The following HMMR variants were observed in gnomAD, a reference collection of about 807,000 sequenced individuals.
HMMR encodes hyaluronan mediated motility receptor.
In HMMR, 108 loss-of-function variants were observed where a neutral mutation model predicts 101.0. The observed-to-expected ratio is 1.07, with a 90% CI of 0.92 to 1.25. The LOEUF (loss-of-function observed/expected upper bound fraction) is 1.25. Ranked by LOEUF, HMMR falls within the 50% of genes most tolerant of loss-of-function variation. The pLI is 0.00. For synonymous variants in HMMR, 296 were observed against 276.4 expected, an observed-to-expected ratio of 1.07 and a Z score of -0.70; for missense variants, 813 against 788.7, an observed-to-expected ratio of 1.03 and a Z score of -0.37.
intron 7 of HMMR, 75 bp from the exon 8 acceptor site, chr5:163,473,104 C>A: frequency 1.3e-6 from 1 of 747,858 alleles, no homozygotes; most frequent in East Asian, 2.7e-5. Context: ...ACAGGAGTAT[C>A]TGGTACATAA....
At chr5:163,482,563 T>C in intron 12 of HMMR, 79 bp from the exon 13 acceptor site, 3 of 1,026,700 alleles carry the variant, frequency 2.9e-6, no homozygotes, top group East Asian at 2.4e-5. Flanking sequence ...TAGAAGTATA[T>C]AAAGTGTAAA....
intron 10 of HMMR, 54 bp from the exon 11 acceptor site, chr5:163,475,404 A>G: frequency 9.8e-7 from 1 of 1,021,488 alleles, no homozygotes; most frequent in Non-Finnish European, 1.5e-6. Flanking sequence ...GTCTCCTAGT[A>G]CAACCTCACA....
intron 7 of HMMR, among the ~76,000 whole-genome samples, chr5:163,472,507 T>C (rs1758931261): frequency 6.6e-6 from 1 of 152,150 alleles, no homozygotes; most frequent in African/African-American, 2.4e-5. Context: ...TATATAATGT[T>C]TTTTAAAACT....
chr5:163,474,116 T>G lies in HMMR; in HGVS notation c.964T>G (p.Leu322Val). Reference sequence around the variant, plus strand: ...AAATCTAAATGCAGAGATGCAAAACTTAAAACAGAAGTTTATTCTTGAACA... The same window carrying G: ...AAATCTAAATGCAGAGATGCAAAACGTAAAACAGAAGTTTATTCTTGAACA... ...NENLNAEMQN[L>V]KQKFILEQQE... Residue 322 changes from leucine to valine, a missense_variant, in exon 10 of 18, where the codon TTA (leucine) becomes GTA (valine). Leu to Val is a conservative substitution (Grantham distance 32, BLOSUM62 1). Transcript: ENST00000393915. 1 of 1,611,894 alleles carries G rather than the reference T, an allele frequency of 6.2e-7. No homozygotes were observed. Among genetic ancestry groups the G allele is most frequent in the Non-Finnish European group, 8.5e-7 (1 of 1,178,652 alleles).
chr5:163,475,822 A>G, intron 11 of HMMR, 150 bp downstream of exon 11: 1 of 431,116 alleles, frequency 2.3e-6, no homozygotes, highest in Non-Finnish European at 4.1e-6. Flanking sequence ...TTTACAATTA[A>G]GTAGTAGACA....
At chr5:163,463,652 A>C (rs1161322451) in intron 1 of HMMR, among the ~76,000 whole-genome samples, 1 of 152,084 alleles carries the variant, frequency 6.6e-6, no homozygotes, top group Non-Finnish European at 1.5e-5. Flanking sequence ...TGTTCCTTTG[A>C]CCCGGTTGAT....
chr5:163,468,878 T>G (rs1203829424), intron 4 of HMMR, among the ~76,000 whole-genome samples: 1 of 148,894 alleles, frequency 6.7e-6, no homozygotes, highest in Admixed American at 6.6e-5. Flanking sequence ...TTGGTTTGGG[T>G]TTTTTTTTGT....
rs1471352873 is a variant in HMMR at position 163,475,543 on chromosome 5, A to G, written c.1139A>G (p.Lys380Arg). Residue 380 changes from lysine to arginine, a missense_variant, in exon 11 of 18, where the codon AAG becomes AGG. Physicochemically the swap from Lys to Arg is conservative, Grantham distance 26 (BLOSUM62 2). Transcript: ENST00000393915. ...AAGAATCTGTTTGAGGAAGAATTAA[A>G]GCAAACACTGGATGAGCTTGATAAA... ...KEKNLFEEEL[K>R]QTLDELDKLQ... The G allele has an allele frequency of 3.7e-6, 6 of 1,610,060 alleles. No individual in the cohort carries two copies. The highest frequency in any genetic ancestry group is 5.1e-6 in the Non-Finnish European group (6 of 1,176,626).
chr5:163,461,536 T>C (rs1244660513), intron 1 of HMMR, among the ~76,000 whole-genome samples: 1 of 152,116 alleles, frequency 6.6e-6, no homozygotes, highest in Non-Finnish European at 1.5e-5. Context: ...GGCTCACGCC[T>C]GTAATCCCAG....
intron 12 of HMMR, among the ~76,000 whole-genome samples, chr5:163,479,985 G>T (rs1234463490): frequency 1.3e-5 from 2 of 152,060 alleles, no homozygotes; most frequent in Non-Finnish European, 2.9e-5. Context: ...ATTTACTTTA[G>T]CTCATTTTGG....
chr5:163,482,490 C>A, intron 12 of HMMR, 152 bp from the exon 13 acceptor site: 3 of 601,620 alleles, frequency 5.0e-6, no homozygotes, highest in Non-Finnish European at 8.8e-6. Flanking sequence ...GTACTTGCCT[C>A]AGAACACTGA....
intron 12 of HMMR, among the ~76,000 whole-genome samples, chr5:163,481,884 G>A (rs778155941): frequency 2.6e-4 from 40 of 152,190 alleles, no homozygotes; most frequent in Non-Finnish European, 3.5e-4. Flanking sequence ...TCTAGAGTGA[G>A]CTACACATTT....
chr5:163,477,640 CTG>C, intron 11 of HMMR, among the ~76,000 whole-genome samples: 1 of 152,080 alleles, frequency 6.6e-6, no homozygotes, highest in African/African-American at 2.4e-5. Context: ...ACTCAAAAAA[CTG>C]TGGTCCAATG....
At chr5:163,462,230 GA>G (rs917101153) in intron 1 of HMMR, among the ~76,000 whole-genome samples, 2 of 151,730 alleles carry the variant, frequency 1.3e-5, no homozygotes, top group Non-Finnish European at 2.9e-5. Flanking sequence ...CTTTATCAAA[GA>G]TATAGTATTT....
intron 12 of HMMR, among the ~76,000 whole-genome samples, chr5:163,480,395 G>A (rs929344395): frequency 2.0e-5 from 3 of 152,110 alleles, no homozygotes; most frequent in Non-Finnish European, 4.4e-5. Context: ...TGTGTTGTCT[G>A]AGGCTATGGT....
chr5:163,462,688 C>T (rs751609186), intron 1 of HMMR, among the ~76,000 whole-genome samples: 11 of 151,630 alleles, frequency 7.3e-5, no homozygotes, highest in African/African-American at 2.4e-4. Flanking sequence ...ACTAGCTGGG[C>T]GTGGTGGTGG....
chr5:163,461,080 T>C (rs1275543893), intron 1 of HMMR, among the ~76,000 whole-genome samples: 2 of 152,188 alleles, frequency 1.3e-5, no homozygotes, highest in African/African-American at 4.8e-5. Flanking sequence ...AGGGCCTCAC[T>C]GATAAGAACA....
In HMMR at chr5:163,469,683, A is replaced by C; in HGVS notation, c.316A>C (p.Ile106Leu). ...GGAACGTGGTGCCCAGGACAGGCGG[A>C]TCCAGGATCTGGAAACTGAGTTGGA... ...LQERGAQDRR[I>L]QDLETELEKM... is the part of the protein sequence containing the mutation. Residue 106 changes from isoleucine (I) to leucine (L), a missense_variant, in exon 5 of 18, where the codon ATC becomes CTC. Physicochemically the swap from Ile to Leu is conservative, Grantham distance 5. Coordinates refer to ENST00000393915, the MANE Select transcript of HMMR (RefSeq NM_001142556.2). 6.2e-7 allele frequency: 1 copy of C among 1,614,042 alleles called. No individual in the cohort carries two copies. The highest frequency in any genetic ancestry group is 2.2e-5 in the East Asian group (1 of 44,868).
At position 163,469,751 on chromosome 5, in the gene HMMR, A is replaced by C. The variant is rs1561638036; in HGVS notation, c.384A>C (p.Thr128=). Residue 128 remains threonine, a synonymous_variant, in exon 5 of 18, where the codon ACA becomes ACC. Coordinates refer to ENST00000393915, the MANE Select transcript of HMMR (RefSeq NM_001142556.2). ...ARLNAALREK[T]SLSANNATLE... ...TAAATGCTGCACTAAGGGAAAAAAC[A>C]TCTCTCTCTGCAAATAATGCTACAC... 1 of 1,612,944 alleles carries C rather than the reference A, an allele frequency of 6.2e-7. No homozygotes were observed. The highest frequency in any genetic ancestry group is 8.5e-7 in the Non-Finnish European group (1 of 1,178,932).
Sources: allele counts gnomAD v4.1 joint callset (sites outside exome capture counted in the v4.1 genomes callset), GRCh38; gene constraint gnomAD v4.1.1; transcripts MANE v1.5; gene names NCBI Gene and HGNC (gene_info 2026-07-23, HGNC 2026-07-21).